Variants in ITSN1 observed in about 807,000 individuals in gnomAD.
The protein encoded by ITSN1 is intersectin 1.
A neutral mutation model predicts 239.8 loss-of-function variants in ITSN1; 58 were observed. The ratio of observed to expected loss-of-function variants is 0.24; its 90% CI spans 0.20 to 0.30. The LOEUF (loss-of-function observed/expected upper bound fraction) is 0.30, where lower values mean the gene tolerates loss of function less well. Among genes scored for constraint, ITSN1 ranks in the 10% least tolerant of loss-of-function variants. ITSN1 has a pLI of 1.00. For synonymous variants in ITSN1, 780 were observed against 770.8 expected, an observed-to-expected ratio of 1.01 and a Z score of -0.20; for missense variants, 1,558 against 2,103.3, an observed-to-expected ratio of 0.74 and a Z score of 5.07.
At chr21:33,765,696 A>C (rs1309505645) in intron 9 of ITSN1, among the ~76,000 whole-genome samples, 179 bp from the exon 10 acceptor site, 1 of 152,248 alleles carries the variant, frequency 6.6e-6, no homozygotes, top group African/African-American at 2.4e-5. Context: ...CACTGTCCCA[A>C]CTACCTGTAA....
In ITSN1 at chr21:33,897,361, G is replaced by T; in HGVS notation, c.*9061G>T. 6.6e-6 allele frequency: 1 copy of T among 152,364 alleles called. No homozygotes were observed. The highest frequency in any genetic ancestry group is 1.9e-4 in the East Asian group (1 of 5,186). The allele number at this position is 152,364 out of a possible 1,614,324, so 9.4% of individuals were successfully genotyped here. A position where few individuals can be genotyped will look rare whatever the true frequency, so the allele number is the denominator to read the frequency against. ...GCCCACCCCGTGTTGTATTGCCTTA[G>T]CTCCATCAGCTTTGTACCCTCACAC... On this transcript the variant is annotated 3_prime_UTR_variant, in exon 40 of 40. Transcript: ENST00000381318.
At position 33,834,500 on chromosome 21, in the gene ITSN1, A is replaced by G. The variant is rs577563127; in HGVS notation, c.3469+76A>G. 9 of 1,029,294 alleles carry G rather than the reference A, an allele frequency of 8.7e-6. No homozygotes were observed. The African/African-American group carries it at 1.3e-4, about 15-fold the overall frequency. The allele number at this position is 1,029,294 out of a possible 1,614,324, so 63.8% of individuals were successfully genotyped here. On this transcript the variant is annotated intron_variant, in intron 28 of 39. Transcript: ENST00000381318. Reference sequence around the variant, plus strand: ...TTTTTCCACTTGATTTTCTCATTAAATATCTTAGGTTGTTTTTCACATGTG... The same window carrying G: ...TTTTTCCACTTGATTTTCTCATTAAGTATCTTAGGTTGTTTTTCACATGTG...
intron 31 of ITSN1, among the ~76,000 whole-genome samples, chr21:33,860,222 G>C (rs531832117): frequency 4.5e-4 from 68 of 150,808 alleles, no homozygotes; most frequent in Non-Finnish European, 9.4e-4. Context: ...CAGAAGAATC[G>C]CTTGAACCCG....
intron 16 of ITSN1, among the ~76,000 whole-genome samples, chr21:33,788,497 G>T (rs191387371): frequency 1.3e-5 from 2 of 152,160 alleles, no homozygotes; most frequent in Non-Finnish European, 2.9e-5. Context: ...TTGGGAGTTC[G>T]AGGCGAGTGG....
intron 4 of ITSN1, among the ~76,000 whole-genome samples, chr21:33,731,985 T>C (rs2066216477): frequency 6.6e-6 from 1 of 152,144 alleles, no homozygotes; most frequent in Non-Finnish European, 1.5e-5. Flanking sequence ...TCAATCAATA[T>C]ATGTAAAATG....
Position 33,885,525 on chromosome 21 carries a change from A to G in ITSN1, c.4843+3A>G. 3.1e-6 allele frequency: 5 copies of G among 1,613,376 alleles called. No homozygotes were observed. The highest frequency in any genetic ancestry group is 4.2e-6 in the Non-Finnish European group (5 of 1,179,482). ...GTTGAAACCCTGTCGGTCACATGGT[A>G]AGGCTGTGAGGCGCCCCCGGCTCCT... On this transcript the variant is annotated splice_donor_region_variant and intron_variant, in intron 38 of 39. Transcript: ENST00000381318.
intron 31 of ITSN1, among the ~76,000 whole-genome samples, chr21:33,860,541 C>T (rs1280661635): frequency 6.6e-6 from 1 of 152,168 alleles, no homozygotes; most frequent in Non-Finnish European, 1.5e-5. Flanking sequence ...AAGAAGCAGC[C>T]TCTTTCTTGA....
intron 1 of ITSN1, among the ~76,000 whole-genome samples, chr21:33,713,650 C>G (rs1357916249): frequency 6.6e-6 from 1 of 152,056 alleles, no homozygotes; most frequent in Non-Finnish European, 1.5e-5. Flanking sequence ...GATGTCATCT[C>G]CATGGTCTGT....
At chr21:33,826,196 T>G (rs148657404) in intron 25 of ITSN1, among the ~76,000 whole-genome samples, 1 of 152,096 alleles carries the variant, frequency 6.6e-6, no homozygotes, top group African/African-American at 2.4e-5. Flanking sequence ...CCTCTATGCA[T>G]TGATAGAGAA....
chr21:33,695,466 AGTT>A (rs1311568494), intron 1 of ITSN1, among the ~76,000 whole-genome samples: 1 of 152,268 alleles, frequency 6.6e-6, no homozygotes, highest in African/African-American at 2.4e-5. Flanking sequence ...CTTCAGTAAC[AGTT>A]GTTATCTTTT....
chr21:33,849,985 G>T (rs1210462855), intron 29 of ITSN1, among the ~76,000 whole-genome samples: 1 of 152,182 alleles, frequency 6.6e-6, no homozygotes, highest in East Asian at 1.9e-4. Flanking sequence ...CATAGAAGGG[G>T]CCTGGAATGA....
At chr21:33,790,521 C>A (rs969666805) in intron 16 of ITSN1, among the ~76,000 whole-genome samples, 1 of 151,946 alleles carries the variant, frequency 6.6e-6, no homozygotes, top group African/African-American at 2.4e-5. Flanking sequence ...CAAAGTTGTA[C>A]ACTCCGTACT....
At chr21:33,823,732 A>G (rs2148310418) in intron 25 of ITSN1, 79 bp downstream of exon 25, 1 of 1,393,898 alleles carries the variant, frequency 7.2e-7, no homozygotes, top group African/African-American at 1.4e-5. Context: ...TTGACAGCGG[A>G]ACTTTGTTGG....
At chr21:33,877,405 T>A (rs1419438789) in intron 34 of ITSN1, among the ~76,000 whole-genome samples, 3 of 152,144 alleles carry the variant, frequency 2.0e-5, no homozygotes. Flanking sequence ...GAAGGACTGT[T>A]ATTGTGATTA....
At chr21:33,814,162 G>A (rs2073110525) in intron 22 of ITSN1, 90 bp downstream of exon 22, 2 of 1,413,086 alleles carry the variant, frequency 1.4e-6, no homozygotes, top group Non-Finnish European at 1.9e-6. Context: ...TCATTTTGAA[G>A]CAAGCCTTGT....
chr21:33,643,094 C>T (rs1030911040), intron 1 of ITSN1, among the ~76,000 whole-genome samples: 1 of 150,910 alleles, frequency 6.6e-6, no homozygotes, highest in Admixed American at 6.6e-5. Flanking sequence ...GACCTCGCTG[C>T]CCTCGGCCGC....
intron 29 of ITSN1, among the ~76,000 whole-genome samples, chr21:33,848,068 A>C (rs976253110): frequency 6.6e-6 from 1 of 152,250 alleles, no homozygotes; most frequent in Non-Finnish European, 1.5e-5. Context: ...TGATCCCCTG[A>C]AACACAGCCA....
At chr21:33,709,738 A>C (rs1347515058) in intron 1 of ITSN1, among the ~76,000 whole-genome samples, 2 of 152,166 alleles carry the variant, frequency 1.3e-5, no homozygotes, top group Admixed American at 6.6e-5. Flanking sequence ...AGTTTTGTTA[A>C]ATTCACTTAT....
At chr21:33,837,625 G>A (rs2074667781) in intron 29 of ITSN1, 4 of 985,910 alleles carry the variant, frequency 4.1e-6, no homozygotes, top group Non-Finnish European at 3.6e-6. Flanking sequence ...TTGTTTGTGT[G>A]TATCAGCTGT....
Sources: allele counts gnomAD v4.1 joint callset (sites outside exome capture counted in the v4.1 genomes callset), GRCh38; gene constraint gnomAD v4.1.1; transcripts MANE v1.5; gene names NCBI Gene and HGNC (gene_info 2026-07-23, HGNC 2026-07-21).